The following PDGFC variants were observed in gnomAD, a reference collection of about 807,000 sequenced individuals.
PDGFC encodes the protein platelet-derived growth factor C.
A neutral mutation model predicts 35.5 loss-of-function variants in PDGFC; 12 were observed. That is an observed-to-expected ratio of 0.34 (90% CI 0.22 to 0.55). The LOEUF is 0.55. PDGFC is among the 20% of genes least tolerant of loss of function. The pLI, the probability that PDGFC is intolerant of heterozygous loss-of-function variation, is 0.91. For missense variants in PDGFC, 322 were observed against 412.4 expected (o/e 0.78, Z 1.90); for synonymous variants, 159 against 148.8 (o/e 1.07, Z -0.50).
At chr4:156,791,091 T>C (rs536477167) in intron 3 of PDGFC, among the ~76,000 whole-genome samples, 2 of 152,300 alleles carry the variant, frequency 1.3e-5, no homozygotes, top group East Asian at 1.9e-4. Context: ...CACAATACAA[T>C]GCAAAGCCTG....
intron 3 of PDGFC, among the ~76,000 whole-genome samples, chr4:156,784,216 GA>G (rs1398926364): frequency 1.3e-5 from 2 of 152,152 alleles, no homozygotes; most frequent in African/African-American, 4.8e-5. Flanking sequence ...AAAGAGGATA[GA>G]AGACAGGAAA....
chr4:156,955,916 T>C (rs1732198368), intron 1 of PDGFC, among the ~76,000 whole-genome samples: 1 of 152,030 alleles, frequency 6.6e-6, no homozygotes, highest in East Asian at 1.9e-4. Context: ...GAACTCTCTC[T>C]TCCTTTTCCG....
intron 3 of PDGFC, among the ~76,000 whole-genome samples, chr4:156,800,457 C>T (rs1222290194): frequency 6.6e-6 from 1 of 152,098 alleles, no homozygotes; most frequent in Non-Finnish European, 1.5e-5. Context: ...ACAATTATAT[C>T]ATCTGAATTA....
intron 1 of PDGFC, among the ~76,000 whole-genome samples, chr4:156,873,492 ATAAT>A (rs1216750581): frequency 3.9e-5 from 6 of 152,192 alleles, no homozygotes; most frequent in Admixed American, 2.0e-4. Context: ...TTAATAGTTG[ATAAT>A]TAATAAATAT....
chr4:156,920,057 A>G (rs1731237567), intron 1 of PDGFC, among the ~76,000 whole-genome samples: 1 of 152,026 alleles, frequency 6.6e-6, no homozygotes, highest in African/African-American at 2.4e-5. Flanking sequence ...CCCATGTGAC[A>G]TGCCTGCTCC....
chr4:156,833,625 G>A (rs1728996018), intron 2 of PDGFC, among the ~76,000 whole-genome samples: 1 of 152,144 alleles, frequency 6.6e-6, no homozygotes, highest in Non-Finnish European at 1.5e-5. Context: ...GAACAGGAAA[G>A]ACAGTAACTT....
intron 3 of PDGFC, among the ~76,000 whole-genome samples, chr4:156,809,758 T>G: frequency 6.6e-6 from 1 of 151,936 alleles, no homozygotes; most frequent in Admixed American, 6.6e-5. Context: ...CTTTTGTGTT[T>G]TATTCTATAG....
chr4:156,867,426 T>C (rs1729871029), intron 1 of PDGFC, among the ~76,000 whole-genome samples: 1 of 152,308 alleles, frequency 6.6e-6, no homozygotes, highest in South Asian at 2.1e-4. Context: ...GCATGCAATG[T>C]CTTCACATTC....
chr4:156,950,713 G>A (rs1390910399), intron 1 of PDGFC, among the ~76,000 whole-genome samples: 1 of 151,506 alleles, frequency 6.6e-6, no homozygotes, highest in Non-Finnish European at 1.5e-5. Flanking sequence ...TGAAAGCAGT[G>A]TTAAATCAGA....
At chr4:156,930,466 A>G (rs1731524011) in intron 1 of PDGFC, among the ~76,000 whole-genome samples, 1 of 152,224 alleles carries the variant, frequency 6.6e-6, no homozygotes, top group African/African-American at 2.4e-5. Flanking sequence ...CACTACCTTA[A>G]AAGACATTTT....
chr4:156,877,386 C>A (rs894186730), intron 1 of PDGFC, among the ~76,000 whole-genome samples: 2 of 152,060 alleles, frequency 1.3e-5, no homozygotes, highest in Non-Finnish European at 2.9e-5. Flanking sequence ...AAAAATTACT[C>A]ATGACAAATT....
intron 1 of PDGFC, among the ~76,000 whole-genome samples, chr4:156,884,034 C>A (rs1730316835): frequency 6.6e-6 from 1 of 152,110 alleles, no homozygotes; most frequent in Admixed American, 6.5e-5. Flanking sequence ...ATTTTTAGTA[C>A]AAGAACTAAA....
At chr4:156,827,416 C>CA (rs532548640) in intron 2 of PDGFC, among the ~76,000 whole-genome samples, 3,467 of 126,160 alleles carry the variant, frequency 0.027, 115 homozygotes, top group East Asian at 0.19. Context: ...GACTCCATCT[C>CA]AAAAAAAAAA....
chr4:156,817,932 G>A (rs1277590778), intron 2 of PDGFC, among the ~76,000 whole-genome samples: 2 of 151,292 alleles, frequency 1.3e-5, no homozygotes, highest in African/African-American at 4.9e-5. Flanking sequence ...GGTGGCGGAT[G>A]CCTGTAATCC....
chr4:156,776,578 C>T lies in PDGFC; in HGVS notation c.496-3685G>A, dbSNP rs540381239. ...AGCCTAGACCCTTTTAGGCCTATTACTTTGTAAGGACAGGTTGTCAAAGAG... is the reference window on the plus strand; with the variant it reads ...AGCCTAGACCCTTTTAGGCCTATTATTTTGTAAGGACAGGTTGTCAAAGAG... On this transcript the variant is annotated intron_variant, in intron 3 of 5. Transcript: ENST00000502773. 3.3e-4 allele frequency among the ~76,000 whole-genome samples: 50 copies of T among 152,308 alleles called. 1 individual carries two copies. Among genetic ancestry groups the T allele is most frequent in the African/African-American group, 9.6e-4 (40 of 41,580 alleles).
chr4:156,824,305 TATATATATATATATATATATATACAC>T (rs1732363322), intron 2 of PDGFC, among the ~76,000 whole-genome samples: 6 of 38,968 alleles, frequency 1.5e-4, no homozygotes, highest in African/African-American at 6.0e-4. Context: ...TATATATATA[TATATATATATATATATATATATACAC>T]ACACACACAC....
intron 5 of PDGFC, among the ~76,000 whole-genome samples, chr4:156,764,060 A>G (rs1273576622): frequency 6.6e-6 from 1 of 152,198 alleles, no homozygotes; most frequent in Non-Finnish European, 1.5e-5. Flanking sequence ...GAAACAATAA[A>G]GTTTAGGAAA....
intron 1 of PDGFC, among the ~76,000 whole-genome samples, chr4:156,957,054 A>G (rs1055718492): frequency 6.6e-6 from 1 of 151,862 alleles, no homozygotes; most frequent in Non-Finnish European, 1.5e-5. Flanking sequence ...ACTTCCTCCA[A>G]AACTTAGTAC....
chr4:156,950,883 C>T (rs1276300153), intron 1 of PDGFC, among the ~76,000 whole-genome samples: 4 of 151,772 alleles, frequency 2.6e-5, no homozygotes, highest in Non-Finnish European at 5.9e-5. Flanking sequence ...CAGACAAAAT[C>T]AGCAGTTCAC....
Sources: gnomAD v4.1 joint callset for allele counts (sites outside exome capture counted in the v4.1 genomes callset) on GRCh38, gnomAD v4.1.1 for gene constraint, MANE v1.5 for transcripts, NCBI Gene and HGNC (gene_info 2026-07-23, HGNC 2026-07-21) for gene names.